FNBP1: variants seen among roughly 807,000 people sequenced by gnomAD.
FNBP1 encodes the protein formin-binding protein 1.
FNBP1 carries 26 observed loss-of-function variants against 90.6 expected under a neutral mutation model. The ratio of observed to expected loss-of-function variants is 0.29; its 90% confidence interval spans 0.21 to 0.40. The LOEUF (loss-of-function observed/expected upper bound fraction) is 0.40, where lower values mean the gene tolerates loss of function less well. Among genes scored for constraint, FNBP1 ranks in the 10% least tolerant of loss-of-function variants. The pLI is 1.00. For synonymous variants in FNBP1, 260 were observed against 265.2 expected (o/e 0.98, Z 0.19); for missense variants, 635 against 768.0 (o/e 0.83, Z 2.05).
chr9:129,984,466 G>A (rs2051809809), intron 2 of FNBP1, among the ~76,000 whole-genome samples: 3 of 152,124 alleles, frequency 2.0e-5, no homozygotes, highest in African/African-American at 7.2e-5. Flanking sequence ...GGAGGCAAGC[G>A]CTCAGGGAAT....
chr9:130,018,184 G>A (rs2057449105), intron 1 of FNBP1, among the ~76,000 whole-genome samples: 1 of 151,380 alleles, frequency 6.6e-6, no homozygotes, highest in East Asian at 1.9e-4. Context: ...AAAGTGCTGG[G>A]ATTACAGGCC....
Position 129,966,731 on chromosome 9 carries a change from T to C in FNBP1, c.346-8178A>G, listed in dbSNP as rs886154105. On this transcript the variant is annotated intron_variant, in intron 4 of 16. Coordinates refer to ENST00000446176, the MANE Select transcript of FNBP1 (RefSeq NM_015033.3). The surrounding 1 kb of genome is among the most constrained non-coding windows in gnomAD (Gnocchi z 4.3). ...CTGGGTGATGGAGCGAGACTCCGTC[T>C]AAACAACAACAACAACAACAACAAC... 7.1e-6 allele frequency among the ~76,000 whole-genome samples: 1 copy of C among 140,862 alleles called. No individual in the cohort carries two copies. Among genetic ancestry groups the C allele is most frequent in the African/African-American group, 2.6e-5 (1 of 38,684 alleles). The allele number at this position is 140,862 out of a possible 152,430, so 92.4% of individuals were successfully genotyped here.
chr9:129,908,379 T>C (rs1486418946), intron 12 of FNBP1, among the ~76,000 whole-genome samples: 3 of 131,756 alleles, frequency 2.3e-5, no homozygotes, highest in Admixed American at 7.7e-5. Flanking sequence ...AGTTTTTTTC[T>C]TTTTTTTTTT....
chr9:129,899,406 T>C (rs529275449), intron 15 of FNBP1, among the ~76,000 whole-genome samples: 83 of 152,132 alleles, frequency 5.5e-4, no homozygotes, highest in Non-Finnish European at 9.9e-4. Flanking sequence ...AAGAAAGTTC[T>C]GGTCACAGAA....
intron 2 of FNBP1, among the ~76,000 whole-genome samples, chr9:129,987,229 C>G (rs1048932763): frequency 1.3e-5 from 2 of 151,962 alleles, no homozygotes; most frequent in East Asian, 3.9e-4. Context: ...GCAGGGAACA[C>G]GTCCCAAGCT....
At position 129,934,235 on chromosome 9, in the gene FNBP1, T is replaced by G. The variant is rs142920451; in HGVS notation, c.514-4540A>C. On this transcript the variant is annotated intron_variant, in intron 6 of 16. Coordinates refer to ENST00000446176, the MANE Select transcript of FNBP1 (RefSeq NM_015033.3). ...CCATTCTAAACCAGACCATAAGCTA[T>G]TCTTTCAATTAAATTAAATTTCCCA... Among the ~76,000 whole-genome samples the G allele has an allele frequency of 9.2e-3, 1,394 of 152,298 alleles. 24 individuals carry two copies. The highest frequency in any genetic ancestry group is 8.3e-3 in the Non-Finnish European group (565 of 68,022).
chr9:129,924,930 GA>G, intron 9 of FNBP1, 29 bp downstream of exon 9: 1 of 1,573,418 alleles, frequency 6.4e-7, no homozygotes, highest in African/African-American at 1.4e-5. Context: ...CCACACCTTA[GA>G]AAACTCATTT....
At chr9:130,013,606 A>G (rs759884124) in intron 1 of FNBP1, 91 of 428,650 alleles carry the variant, frequency 2.1e-4, no homozygotes, top group Non-Finnish European at 3.9e-4. Context: ...GAGCTAGACA[A>G]TAACTCTTGC....
At chr9:129,898,590 A>G (rs2036238450) in intron 15 of FNBP1, among the ~76,000 whole-genome samples, 1 of 152,060 alleles carries the variant, frequency 6.6e-6, no homozygotes, top group Non-Finnish European at 1.5e-5. Context: ...TCCTGGTTTA[A>G]GTGAGTCTCC....
chr9:129,948,783 C>A (rs143025732), intron 6 of FNBP1, among the ~76,000 whole-genome samples: 4,474 of 152,084 alleles, frequency 0.029, 218 homozygotes, highest in African/African-American at 0.1. Context: ...TCAAGTGATC[C>A]GCCAGCCTCA....
rs1289274012 is a variant in FNBP1, at chr9:130,042,084, T to A, written c.24+868A>T. 1.3e-5 allele frequency among the ~76,000 whole-genome samples: 2 copies of A among 151,390 alleles called. No homozygotes were observed. The highest frequency in any genetic ancestry group is 4.9e-5 in the African/African-American group (2 of 41,144). On this transcript the variant is annotated intron_variant, in intron 1 of 16. Coordinates refer to ENST00000446176, the MANE Select transcript of FNBP1 (RefSeq NM_015033.3). The surrounding 1 kb of genome is among the most constrained non-coding windows in gnomAD (Gnocchi z 5.5). ...AATCCGGGGACGGCAGGAAAAGAGCTCCATCCACAGCCAGCCCCTCGCCTT... is the reference window on the plus strand; with the variant it reads ...AATCCGGGGACGGCAGGAAAAGAGCACCATCCACAGCCAGCCCCTCGCCTT...
chr9:129,977,648 C>T (rs753996324), intron 4 of FNBP1, among the ~76,000 whole-genome samples: 9 of 151,968 alleles, frequency 5.9e-5, no homozygotes, highest in East Asian at 1.9e-4. Flanking sequence ...CCCGTCACCA[C>T]GCCCAGCTAG....
At chr9:129,914,383 C>T (rs79838531) in intron 11 of FNBP1, among the ~76,000 whole-genome samples, 7,645 of 152,014 alleles carry the variant, frequency 0.05, 266 homozygotes, top group Non-Finnish European at 0.077. Context: ...TATAAAGCAA[C>T]AATTCAATAC....
chr9:130,048,491 CTT>C, the FNBP1 span, among the ~76,000 whole-genome samples: 16 of 105,056 alleles, frequency 1.5e-4, no homozygotes, highest in Admixed American at 6.1e-4. Flanking sequence ...CCTCAGTTTC[CTT>C]TTTTTTTTTT....
rs1468271379 is a variant in FNBP1, at chr9:129,916,102, A to G, written c.1171-122T>C. On this transcript the variant is annotated intron_variant, in intron 10 of 16. Transcript: ENST00000446176. ...GTCAGTTCCGCCATATTAAAATAAC[A>G]CACACGTCTACCCGCTGATTTATAA... 2.9e-5 allele frequency: 20 copies of G among 683,182 alleles called. No homozygotes were observed. The South Asian group carries it at 3.4e-4, about 12-fold the overall frequency. The allele number at this position is 683,182 out of a possible 1,614,324, so 42.3% of individuals were successfully genotyped here. A position where few individuals can be genotyped will look rare whatever the true frequency, so the allele number is the denominator to read the frequency against.
chr9:129,983,838 CACA>C (rs920966792), intron 2 of FNBP1, among the ~76,000 whole-genome samples: 1 of 151,780 alleles, frequency 6.6e-6, no homozygotes, highest in Non-Finnish European at 1.5e-5. Context: ...TAAAAAAACC[CACA>C]ACAACAACAA....
rs540199630 is a variant in FNBP1 at position 129,929,136 on chromosome 9, A to G, written c.642+431T>C. Among the ~76,000 whole-genome samples the G allele has an allele frequency of 4.0e-5, 6 of 151,892 alleles. No individual in the cohort carries two copies. In the East Asian group the frequency reaches 1.2e-3, roughly 29 times the overall value. On this transcript the variant is annotated intron_variant, in intron 7 of 16. Transcript: ENST00000446176. ...AACAAAACAAAAAAAAGGGCCAGGC[A>G]TGGTGGCTCAGGCCTGTAATCCCAC... is the stretch of plus-strand genomic sequence containing the variant.
At chr9:129,954,777 A>AC (rs945047140) in intron 6 of FNBP1, among the ~76,000 whole-genome samples, 12 of 152,190 alleles carry the variant, frequency 7.9e-5, no homozygotes, top group Non-Finnish European at 1.2e-4. Context: ...CTGGTGGATC[A>AC]CCTGAGGTCA....
At chr9:129,936,269 T>C (rs1448916638) in intron 6 of FNBP1, 1 of 152,194 alleles carries the variant, frequency 6.6e-6, no homozygotes, top group Non-Finnish European at 1.5e-5. Flanking sequence ...AATTATATGT[T>C]AGGATGGATG....
Sources: gnomAD v4.1 joint callset for allele counts (sites outside exome capture counted in the v4.1 genomes callset) on GRCh38, gnomAD v4.1.1 for gene constraint, Gnocchi (gnomAD v3.1) non-coding constraint, MANE v1.5 for transcripts, NCBI Gene and HGNC (gene_info 2026-07-23, HGNC 2026-07-21) for gene names.